The following GLI3 variants were observed in gnomAD, a reference collection of about 807,000 sequenced individuals.
GLI3 encodes the protein GLI family zinc finger 3.
A neutral mutation model predicts 100.8 loss-of-function variants in GLI3; 20 were observed. The observed-to-expected ratio is 0.20, with a 90% CI of 0.14 to 0.29. The LOEUF is 0.29. Among genes scored for constraint, GLI3 ranks in the 10% least tolerant of loss-of-function variants. The pLI is 1.00. For missense variants in GLI3, 2,040 were observed against 2,128.5 expected, an observed-to-expected ratio of 0.96 and a Z score of 0.82; for synonymous variants, 938 against 860.5, an observed-to-expected ratio of 1.09 and a Z score of -1.58.
At chr7:42,101,483 C>T (rs1785460042) in intron 3 of GLI3, among the ~76,000 whole-genome samples, 1 of 151,868 alleles carries the variant, frequency 6.6e-6, no homozygotes, top group Non-Finnish European at 1.5e-5. Flanking sequence ...GCATACACCT[C>T]TGGTTCCAGC....
chr7:42,187,049 A>AT (rs1300317229), intron 2 of GLI3, among the ~76,000 whole-genome samples: 1 of 151,868 alleles, frequency 6.6e-6, no homozygotes, highest in East Asian at 1.9e-4. Flanking sequence ...GTCTCAAAAA[A>AT]AAAAAAAGTT....
chr7:42,155,404 A>G (rs1354958729), intron 2 of GLI3, among the ~76,000 whole-genome samples: 2 of 151,110 alleles, frequency 1.3e-5, no homozygotes, highest in South Asian at 4.2e-4. Flanking sequence ...ACGCCATTGC[A>G]CTCCAGCCTG....
Position 41,966,784 on chromosome 7 carries a change from T to C in GLI3, c.2432-143A>G, listed in dbSNP as rs1356472774. 2.5e-6 allele frequency: 2 copies of C among 803,482 alleles called. No homozygotes were observed. The highest frequency in any genetic ancestry group is 3.4e-5 in the African/African-American group (2 of 59,284). The allele number at this position is 803,482 out of a possible 1,614,324, so 49.8% of individuals were successfully genotyped here. ...CAGGCCACATTGCCTGCCTCACAAC[T>C]ACTCAGCTCTGCAGTGTAGCCCCAA... On this transcript the variant is annotated intron_variant, in intron 14 of 14. Coordinates refer to ENST00000395925, the MANE Select transcript of GLI3 (RefSeq NM_000168.6). The surrounding 1 kb of genome is among the most constrained non-coding windows in gnomAD (Gnocchi z 5.8).
chr7:42,195,490 T>G (rs77629309), intron 2 of GLI3, among the ~76,000 whole-genome samples: 1 of 152,238 alleles, frequency 6.6e-6, no homozygotes, highest in East Asian at 1.9e-4. Flanking sequence ...TCACATCTGT[T>G]TTTACAGTGC....
chr7:42,037,147 A>AAAT (rs372305796), intron 7 of GLI3, among the ~76,000 whole-genome samples: 2 of 152,040 alleles, frequency 1.3e-5, no homozygotes, highest in South Asian at 4.2e-4. Flanking sequence ...TCTCAAAAAA[A>AAAT]AATAATAATA....
chr7:42,171,219 T>C (rs1343068846), intron 2 of GLI3, among the ~76,000 whole-genome samples: 2 of 152,222 alleles, frequency 1.3e-5, no homozygotes, highest in African/African-American at 4.8e-5. Flanking sequence ...CATGGCCTTT[T>C]CTATCATACA....
intron 2 of GLI3, among the ~76,000 whole-genome samples, chr7:42,213,976 G>C (rs190391020): frequency 6.6e-6 from 1 of 152,224 alleles, no homozygotes; most frequent in Non-Finnish European, 1.5e-5. Flanking sequence ...GCCTGCAGGC[G>C]AGCAAAGGGA....
intron 2 of GLI3, among the ~76,000 whole-genome samples, chr7:42,219,756 A>G (rs1788446887): frequency 1.3e-5 from 2 of 152,216 alleles, no homozygotes; most frequent in African/African-American, 2.4e-5. Flanking sequence ...TCAGCCAGTA[A>G]CAAAACTTTT....
At chr7:41,992,612 G>A (rs1389125381) in intron 10 of GLI3, among the ~76,000 whole-genome samples, 2 of 152,112 alleles carry the variant, frequency 1.3e-5, no homozygotes, top group Non-Finnish European at 2.9e-5. Context: ...CTGTACAGAG[G>A]ATGAAAAAGG....
intron 10 of GLI3, among the ~76,000 whole-genome samples, chr7:42,022,100 C>CT (rs966067371): frequency 8.6e-5 from 13 of 151,766 alleles, no homozygotes; most frequent in South Asian, 6.3e-4. Flanking sequence ...AAACATTTGA[C>CT]TTTTTTTTTC....
chr7:42,053,523 C>G (rs891977031), intron 4 of GLI3, among the ~76,000 whole-genome samples: 1 of 152,130 alleles, frequency 6.6e-6, no homozygotes, highest in Non-Finnish European at 1.5e-5. Context: ...ATCAACTTGG[C>G]CTGGTAAATA....
intron 2 of GLI3, among the ~76,000 whole-genome samples, chr7:42,170,009 G>A (rs1272876484): frequency 2.0e-5 from 3 of 151,454 alleles, no homozygotes; most frequent in South Asian, 2.1e-4. Flanking sequence ...TGTAATCACA[G>A]TACTTTGGGA....
chr7:41,998,446 A>C (rs1196400008), intron 10 of GLI3, among the ~76,000 whole-genome samples: 2 of 152,190 alleles, frequency 1.3e-5, no homozygotes, highest in Admixed American at 6.5e-5. Flanking sequence ...TATGTCAAAC[A>C]AATTGCTAAT....
At chr7:42,091,101 C>T (rs1047729249) in intron 3 of GLI3, among the ~76,000 whole-genome samples, 1 of 152,196 alleles carries the variant, frequency 6.6e-6, no homozygotes, top group African/African-American at 2.4e-5. Context: ...GCGCAGTAGC[C>T]GTCTTGAAAT....
chr7:42,124,801 T>C (rs1786086193), intron 3 of GLI3, among the ~76,000 whole-genome samples: 2 of 152,284 alleles, frequency 1.3e-5, no homozygotes, highest in Admixed American at 6.5e-5. Flanking sequence ...TTGGTGCTGC[T>C]GTGTGTGTGA....
chr7:42,222,126 A>C (rs1788497871), intron 2 of GLI3, among the ~76,000 whole-genome samples: 1 of 152,204 alleles, frequency 6.6e-6, no homozygotes, highest in African/African-American at 2.4e-5. Flanking sequence ...ATGCCCTTAG[A>C]GTCTAATGTT....
chr7:42,055,342 C>T (rs1328013853), intron 4 of GLI3, among the ~76,000 whole-genome samples: 1 of 152,094 alleles, frequency 6.6e-6, no homozygotes, highest in Non-Finnish European at 1.5e-5. Flanking sequence ...TGCTCTTCCT[C>T]CTCCCCAAGG....
chr7:42,016,685 A>C (rs1490442779), intron 10 of GLI3, among the ~76,000 whole-genome samples: 2 of 152,054 alleles, frequency 1.3e-5, no homozygotes, highest in Non-Finnish European at 2.9e-5. Flanking sequence ...AATTCTTCTC[A>C]AATCATCATC....
intron 1 of GLI3, among the ~76,000 whole-genome samples, chr7:42,236,400 T>A (rs544853268): frequency 6.6e-6 from 1 of 152,318 alleles, no homozygotes; most frequent in East Asian, 1.9e-4. Flanking sequence ...ACTTTTCCTC[T>A]ATGACGACGA....
Sources: allele counts gnomAD v4.1 joint callset (sites outside exome capture counted in the v4.1 genomes callset), GRCh38; gene constraint gnomAD v4.1.1; non-coding constraint Gnocchi (gnomAD v3.1); transcripts MANE v1.5; gene names NCBI Gene and HGNC (gene_info 2026-07-23, HGNC 2026-07-21).